Variants in HECTD4 observed in about 807,000 individuals in gnomAD.
The protein encoded by HECTD4 is probable E3 ubiquitin-protein ligase HECTD4.
HECTD4 carries 114 observed loss-of-function variants against 471.5 expected under a neutral mutation model. The observed-to-expected ratio is 0.24, with a 90% CI of 0.21 to 0.28. The LOEUF is 0.28. HECTD4 is among the 10% of genes least tolerant of loss of function. The pLI is 1.00. For missense variants in HECTD4, 3,866 were observed against 5,651.5 expected, an observed-to-expected ratio of 0.68 and a Z score of 10.13; for synonymous variants, 2,012 against 2,256.0, an observed-to-expected ratio of 0.89 and a Z score of 3.07.
intron 7 of HECTD4, among the ~76,000 whole-genome samples, chr12:112,303,386 G>A (rs780484480): frequency 2.6e-5 from 4 of 152,070 alleles, no homozygotes; most frequent in South Asian, 2.1e-4. Context: ...TTCTCCACAC[G>A]GAAGTATGAG....
At chr12:112,176,371 G>T (rs1368130322) in intron 65 of HECTD4, among the ~76,000 whole-genome samples, 1 of 152,216 alleles carries the variant, frequency 6.6e-6, no homozygotes, top group East Asian at 1.9e-4. Context: ...CAAGTTCATG[G>T]TCATCAAAGA....
At chr12:112,223,699 C>T (rs886658304) in intron 44 of HECTD4, among the ~76,000 whole-genome samples, 2 of 152,144 alleles carry the variant, frequency 1.3e-5, no homozygotes, top group Non-Finnish European at 1.5e-5. Context: ...GGATTACAGG[C>T]GTGAGCCACC....
At chr12:112,198,669 G>A (rs2032322313) in intron 55 of HECTD4, among the ~76,000 whole-genome samples, 1 of 152,170 alleles carries the variant, frequency 6.6e-6, no homozygotes, top group African/African-American at 2.4e-5. Flanking sequence ...GGAGGCCAGA[G>A]GCAGAGGAGA....
intron 1 of HECTD4, among the ~76,000 whole-genome samples, chr12:112,341,973 G>A (rs1185172586): frequency 6.6e-6 from 1 of 152,110 alleles, no homozygotes; most frequent in Non-Finnish European, 1.5e-5. Flanking sequence ...GACCCCAAAG[G>A]TTTGCTCATC....
At position 112,319,649 on chromosome 12, in the gene HECTD4, C is replaced by A; in HGVS notation, c.271G>T (p.Glu91Ter). 1 of 1,362,104 alleles carries A rather than the reference C, an allele frequency of 7.3e-7. No individual in the cohort carries two copies. The highest frequency in any genetic ancestry group is 2.6e-5 in the East Asian group (1 of 38,278). The allele number at this position is 1,362,104 out of a possible 1,614,324, so 84.4% of individuals were successfully genotyped here. A position where few individuals can be genotyped will look rare whatever the true frequency, so the allele number is the denominator to read the frequency against. Residue 91 changes from glutamate to a stop codon, truncating the protein, a stop_gained, in exon 2 of 76, where the codon GAA (glutamate) becomes TAA (stop). Transcript: ENST00000682272. LOFTEE classifies it high-confidence loss of function. This position sits in a 1 kb window ranked among gnomAD's most constrained non-coding sequence, Gnocchi z 5.3. ...CCTCGCAAGGCATTCAGGCGGTATT[C>A]CAGCAGCCGGGCATAGGCATTGCTC... is the stretch of plus-strand genomic sequence containing the variant. Reference protein sequence around the residue: ...NQSNAYARLLEYRLNALRGLW... With the variant: ...NQSNAYARLL
chr12:112,309,055 C>T (rs1230244540), intron 5 of HECTD4, among the ~76,000 whole-genome samples, 164 bp from the exon 6 acceptor site: 1 of 152,138 alleles, frequency 6.6e-6, no homozygotes. Flanking sequence ...TCAGGACTGC[C>T]AAACTATAGC....
At chr12:112,283,086 T>A (rs762658646) in intron 8 of HECTD4, 24 bp downstream of exon 8, 10 of 1,594,734 alleles carry the variant, frequency 6.3e-6, no homozygotes, top group Non-Finnish European at 7.7e-6. Flanking sequence ...AGGAAACAGA[T>A]CTGGGAAGCA....
In HECTD4 at chr12:112,273,723, G is replaced by T; in HGVS notation, c.1874C>A (p.Pro625His). The change falls in exon 11 of 76, where the codon CCT becomes CAT. Residue 625 changes from proline to histidine, a missense_variant. Physicochemically the swap from Pro to His is moderately conservative, Grantham distance 77. This residue lies in a region of HECTD4 where 525 missense variants were observed against 672.6 expected (regional missense o/e 0.78). Transcript: ENST00000682272. ...GACATAATGGAAGGCTTGATTCCCA[G>T]GGTTACACCACTGATCGATATAGTC... The part of the protein sequence containing the change: ...SNDYIDQWCN[P>H]GNQAFHYVCQ... 6.2e-7 allele frequency: 1 copy of T among 1,613,892 alleles called. No homozygotes were observed. Among genetic ancestry groups the T allele is most frequent in the Non-Finnish European group, 8.5e-7 (1 of 1,179,772 alleles).
At chr12:112,269,660 G>T in intron 13 of HECTD4, 44 bp downstream of exon 13, 2 of 1,602,540 alleles carry the variant, frequency 1.2e-6, no homozygotes, top group South Asian at 1.1e-5. Flanking sequence ...CCTTGCAGAA[G>T]AATCATTTTG....
At chr12:112,281,029 G>A (rs2034629663) in intron 8 of HECTD4, among the ~76,000 whole-genome samples, 1 of 152,110 alleles carries the variant, frequency 6.6e-6, no homozygotes, top group Non-Finnish European at 1.5e-5. Context: ...GACCTCAGGT[G>A]ATCCACCCAC....
At chr12:112,370,779 T>C (rs975658982) in intron 1 of HECTD4, among the ~76,000 whole-genome samples, 1 of 152,132 alleles carries the variant, frequency 6.6e-6, no homozygotes, top group Non-Finnish European at 1.5e-5. Flanking sequence ...GTACTACTCA[T>C]AGTTTTTTTT....
intron 1 of HECTD4, among the ~76,000 whole-genome samples, chr12:112,375,924 A>C (rs1473826064): frequency 2.0e-5 from 3 of 151,726 alleles, no homozygotes; most frequent in African/African-American, 7.3e-5. Flanking sequence ...CAAAAAAAAA[A>C]AAAAAATTAG....
At chr12:112,165,290 C>T (rs1208664711) in intron 72 of HECTD4, among the ~76,000 whole-genome samples, 3 of 151,530 alleles carry the variant, frequency 2.0e-5, no homozygotes, top group African/African-American at 7.3e-5. Flanking sequence ...TGTTTGAACA[C>T]CTGGATTTGG....
chr12:112,365,461 T>C (rs980215852), intron 1 of HECTD4, among the ~76,000 whole-genome samples: 1 of 152,206 alleles, frequency 6.6e-6, no homozygotes, highest in Non-Finnish European at 1.5e-5. Context: ...TTTTTTTGCA[T>C]GAAGCCTTCA....
rs573221055 is a variant in HECTD4 at position 112,283,060 on chromosome 12, T to C, written c.1528+50A>G. Reference sequence around the variant, plus strand: ...GACGAAGTGCTCAATAAGACGTAGCTGAACAGAGCTATACAAGGAAACAGA... The same window carrying C: ...GACGAAGTGCTCAATAAGACGTAGCCGAACAGAGCTATACAAGGAAACAGA... On this transcript the variant is annotated intron_variant, in intron 8 of 75. Coordinates refer to ENST00000682272, the MANE Select transcript of HECTD4 (RefSeq NM_001388303.1). 2.4e-4 allele frequency: 356 copies of C among 1,470,330 alleles called. 2 individuals are homozygous for C. The highest frequency in any genetic ancestry group is 5.4e-4 in the South Asian group (43 of 80,296). 91.1% of individuals were successfully genotyped at this position (1,470,330 alleles called of 1,614,324 possible).
intron 44 of HECTD4, among the ~76,000 whole-genome samples, chr12:112,224,801 A>G (rs1047056774): frequency 6.6e-6 from 1 of 152,224 alleles, no homozygotes; most frequent in Non-Finnish European, 1.5e-5. Context: ...TTAAGTATCA[A>G]TGTAAATTTC....
chr12:112,179,104 G>T lies in HECTD4; in HGVS notation c.11212-22C>A. On this transcript the variant is annotated intron_variant, in intron 63 of 75. Transcript: ENST00000682272. This position sits in a 1 kb window ranked among gnomAD's most constrained non-coding sequence, Gnocchi z 4.3. ...GGATCTGTGGAGCACAGAGGCAGCG[G>T]GGAGGCTCTCAGGTTCGCCCTGCAG... 6.2e-7 allele frequency: 1 copy of T among 1,613,882 alleles called. No individual in the cohort carries two copies. Among genetic ancestry groups the T allele is most frequent in the Non-Finnish European group, 8.5e-7 (1 of 1,179,868 alleles).
intron 28 of HECTD4, 21 bp downstream of exon 28, chr12:112,247,441 A>C (rs2033786766): frequency 4.8e-6 from 6 of 1,250,980 alleles, no homozygotes; most frequent in Non-Finnish European, 6.7e-6. Context: ...AATAGCCTTA[A>C]TAGTTATTAA....
rs2031277765 is a variant in HECTD4 at position 112,172,710 on chromosome 12, G to A, written c.11746C>T (p.Pro3916Ser). The change falls in exon 67 of 76, where the codon CCC (proline) becomes TCC (serine). Residue 3916 changes from proline (P) to serine (S), a missense_variant. Around this residue, in one of 16 missense-constraint regions of HECTD4, gnomAD observed 715 missense variants for 1,087.6 expected, o/e 0.66. Transcript: ENST00000682272. Reference sequence around the variant, plus strand: ...ACTCTGGGGTCAGCAGCATCCGCGGGGTCCAGGTACACCTCATGGGGATGG... The same window carrying A: ...ACTCTGGGGTCAGCAGCATCCGCGGAGTCCAGGTACACCTCATGGGGATGG... ...RLHPHEVYLD[P>S]ADAADPRVAC... is the part of the protein sequence containing the mutation. 1 of 1,614,040 alleles carries A rather than the reference G, an allele frequency of 6.2e-7. No individual in the cohort carries two copies. The highest frequency in any genetic ancestry group is 2.2e-5 in the East Asian group (1 of 44,870).
Sources: gnomAD v4.1 joint callset for allele counts (sites outside exome capture counted in the v4.1 genomes callset) on GRCh38, gnomAD v4.1.1 for gene constraint, gnomAD v4.1.1 regional missense constraint, Gnocchi (gnomAD v3.1) non-coding constraint, MANE v1.5 for transcripts, NCBI Gene and HGNC (gene_info 2026-07-23, HGNC 2026-07-21) for gene names.